Variants in ACLY observed in about 807,000 individuals in gnomAD.
ACLY encodes ATP citrate lyase.
A neutral mutation model predicts 133.0 loss-of-function variants in ACLY; 41 were observed. That is an observed-to-expected ratio of 0.31 (90% confidence interval 0.24 to 0.40). ACLY has a LOEUF of 0.40. Among genes scored for constraint, ACLY ranks in the 10% least tolerant of loss-of-function variants. ACLY has a pLI of 1.00. For missense variants in ACLY, 1,046 were observed against 1,453.8 expected (o/e 0.72, Z 4.56); for synonymous variants, 495 against 549.3 (o/e 0.90, Z 1.38).
intron 16 of ACLY, among the ~76,000 whole-genome samples, chr17:41,890,455 C>G (rs62074955): frequency 6.7e-6 from 1 of 148,944 alleles, no homozygotes; most frequent in African/African-American, 2.5e-5. Flanking sequence ...GAGGCCGAGG[C>G]GGGCGGATCA....
chr17:41,870,021 G>A (rs1555624764), intron 25 of ACLY, among the ~76,000 whole-genome samples: 4 of 152,178 alleles, frequency 2.6e-5, no homozygotes, highest in African/African-American at 9.7e-5. Context: ...TTAGTGTGGG[G>A]AGGCAAAGTA....
rs530917794 is a variant in ACLY at position 41,887,361 on chromosome 17, C to A, written c.1875+238G>T. 2.6e-3 allele frequency among the ~76,000 whole-genome samples: 390 copies of A among 152,064 alleles called. 1 individual carries two copies. Among genetic ancestry groups the A allele is most frequent in the Admixed American group, 4.5e-3 (68 of 15,270 alleles). ...GGCTGAGACAGGAGAATCACTTGAACCCGGAAGCGGAGGTTGCAGTGAGCC... is the reference window on the plus strand; with the variant it reads ...GGCTGAGACAGGAGAATCACTTGAAACCGGAAGCGGAGGTTGCAGTGAGCC... On this transcript the variant is annotated intron_variant, in intron 17 of 28. Transcript: ENST00000352035.
At chr17:41,878,079 G>A in intron 22 of ACLY, 24 bp downstream of exon 22, 1 of 1,500,170 alleles carries the variant, frequency 6.7e-7, no homozygotes. Context: ...TGCTCACACT[G>A]TTAGAGACAT....
Position 41,871,706 on chromosome 17 carries a change from C to T in ACLY, c.2920G>A (p.Gly974Ser). 1.2e-6 allele frequency: 2 copies of T among 1,614,110 alleles called. No homozygotes were observed. The highest frequency in any genetic ancestry group is 1.7e-6 in the Non-Finnish European group (2 of 1,180,022). ...KKEGKLIMGI[G>S]HRVKSINNPD... ...CAACTCACCGACTTCACTCGGTGAC[C>T]AATGCCCATGATCAGCTTCCCTTCC... Residue 974 changes from glycine (G) to serine (S), a missense_variant, in exon 25 of 29, where the codon GGT becomes AGT. Transcript: ENST00000352035.
upstream of ACLY, among the ~76,000 whole-genome samples, chr17:41,920,574 G>T (rs1197896335): frequency 8.1e-6 from 1 of 123,494 alleles, no homozygotes; most frequent in African/African-American, 3.1e-5. Context: ...CTGGGTGACA[G>T]AGAAGGATTC....
chr17:41,904,872 C>T, intron 9 of ACLY, 82 bp from the exon 10 acceptor site: 1 of 1,378,086 alleles, frequency 7.3e-7, no homozygotes, highest in African/African-American at 1.4e-5. Context: ...TGAGGAAGTT[C>T]TTGTTCCCCT....
At chr17:41,916,452 C>A (rs1246505301) in intron 1 of ACLY, among the ~76,000 whole-genome samples, 1 of 151,808 alleles carries the variant, frequency 6.6e-6, no homozygotes, top group African/African-American at 2.4e-5. Flanking sequence ...CGGCTCACTG[C>A]AACCTCAGCC....
chr17:41,909,655 A>G lies in ACLY; in HGVS notation c.391T>C (p.Tyr131His). The part of the protein sequence containing the change: ...VCIYATREGD[Y>H]VLFHHEGGVD... ...CCCCCCTCGTGGTGGAACAGGACGTAGTCCCCTTCTCGGGTGGCATAGATG... is the reference window on the plus strand; with the variant it reads ...CCCCCCTCGTGGTGGAACAGGACGTGGTCCCCTTCTCGGGTGGCATAGATG... Residue 131 changes from tyrosine (Y) to histidine (H), a missense_variant, in exon 5 of 29, where the codon TAC (tyrosine) becomes CAC (histidine). This residue lies in a region of ACLY where 227 missense variants were observed against 245.6 expected (regional missense o/e 0.92). Transcript: ENST00000352035. 1 of 1,614,144 alleles carries G rather than the reference A, an allele frequency of 6.2e-7. No individual in the cohort carries two copies. Among genetic ancestry groups the G allele is most frequent in the Non-Finnish European group, 8.5e-7 (1 of 1,180,012 alleles).
chr17:41,882,618 T>A (rs2048949081), intron 20 of ACLY, among the ~76,000 whole-genome samples: 1 of 151,970 alleles, frequency 6.6e-6, no homozygotes, highest in South Asian at 2.1e-4. Flanking sequence ...CAAGGAGTGT[T>A]TATATTCAAC....
In ACLY at chr17:41,873,968, G is replaced by T; in HGVS notation, c.2488-3C>A. 1 of 1,589,994 alleles carries T rather than the reference G, an allele frequency of 6.3e-7. No homozygotes were observed. The highest frequency in any genetic ancestry group is 1.1e-5 in the South Asian group (1 of 89,400). The stretch of plus-strand genomic sequence containing the variant: ...GGTTTGCGGATCAAACCAAGCTCCT[G>T]GGCAGAGATGGGGAAGAGGGAAGCA... On this transcript the variant is annotated splice_region_variant and splice_polypyrimidine_tract_variant and intron_variant, in intron 22 of 28. Coordinates refer to ENST00000352035, the MANE Select transcript of ACLY (RefSeq NM_001096.3).
At chr17:41,888,863 A>T (rs1230299402) in intron 16 of ACLY, among the ~76,000 whole-genome samples, 3 of 152,190 alleles carry the variant, frequency 2.0e-5, no homozygotes, top group Non-Finnish European at 4.4e-5. Context: ...TCACATCTAT[A>T]ATCCCAGCAA....
chr17:41,923,720 A>G (rs782469856), upstream of ACLY, among the ~76,000 whole-genome samples: 1 of 152,234 alleles, frequency 6.6e-6, no homozygotes, highest in African/African-American at 2.4e-5. Context: ...AATGAAAGAA[A>G]GCAATTGTAG....
chr17:41,885,565 G>A (rs1308629638), intron 18 of ACLY, among the ~76,000 whole-genome samples: 2 of 152,142 alleles, frequency 1.3e-5, no homozygotes, highest in Non-Finnish European at 2.9e-5. Context: ...AAATAATGAG[G>A]ATACTATTAT....
upstream of ACLY, among the ~76,000 whole-genome samples, chr17:41,921,478 AG>A: frequency 7.0e-6 from 1 of 143,780 alleles, no homozygotes; most frequent in African/African-American, 2.5e-5. Flanking sequence ...ACCCTGTCTC[AG>A]AAAAAAAAAA....
At chr17:41,917,630 G>A (rs1399003452) in intron 1 of ACLY, among the ~76,000 whole-genome samples, 1 of 152,178 alleles carries the variant, frequency 6.6e-6, no homozygotes, top group Admixed American at 6.5e-5. Flanking sequence ...AGTATCTGCA[G>A]GATTGGGACT....
chr17:41,876,059 A>G (rs574121984), intron 22 of ACLY, among the ~76,000 whole-genome samples: 92 of 131,914 alleles, frequency 7.0e-4, no homozygotes, highest in African/African-American at 1.8e-3. Context: ...CCGGCCGCCC[A>G]TCGTCTGAGA....
intron 16 of ACLY, 113 bp downstream of exon 16, chr17:41,892,166 C>T: frequency 9.3e-7 from 1 of 1,069,660 alleles, no homozygotes; most frequent in South Asian, 1.8e-5. Flanking sequence ...AGTGACGGGA[C>T]ATCAACCAGG....
At chr17:41,929,408 AC>A (rs1238986335) in intron 1 of ACLY, among the ~76,000 whole-genome samples, 2 of 151,982 alleles carry the variant, frequency 1.3e-5, no homozygotes, top group African/African-American at 4.8e-5. Flanking sequence ...TTCTCTACTT[AC>A]GTCTACTGGG....
At position 41,909,400 on chromosome 17, in the gene ACLY, T is replaced by C. The variant is rs1484874695; in HGVS notation, c.536+110A>G. ...GTCTTCCTCAGGACAGGGCCGTGTC[T>C]ACCACCTGGCTCCCAGAGAGGAGAC... On this transcript the variant is annotated intron_variant, in intron 5 of 28. Coordinates refer to ENST00000352035, the MANE Select transcript of ACLY (RefSeq NM_001096.3). The C allele has an allele frequency of 7.3e-6, 9 of 1,238,078 alleles. No individual in the cohort carries two copies. In the African/African-American group the frequency reaches 1.3e-4, roughly 19 times the overall value. The allele number at this position is 1,238,078 out of a possible 1,614,324, so 76.7% of individuals were successfully genotyped here. A position where few individuals can be genotyped will look rare whatever the true frequency, so the allele number is the denominator to read the frequency against.
Sources: allele counts gnomAD v4.1 joint callset (sites outside exome capture counted in the v4.1 genomes callset), GRCh38; gene constraint gnomAD v4.1.1; regional missense constraint gnomAD v4.1.1; transcripts MANE v1.5; gene names NCBI Gene and HGNC (gene_info 2026-07-23, HGNC 2026-07-21).